Variants in SBF2 observed in about 807,000 individuals in gnomAD.
The protein encoded by SBF2 is myotubularin-related protein 13.
SBF2 carries 112 observed loss-of-function variants against 225.2 expected under a neutral mutation model. The ratio of observed to expected loss-of-function variants is 0.50; its 90% CI spans 0.43 to 0.58. The LOEUF (loss-of-function observed/expected upper bound fraction) is 0.58, where lower values mean the gene tolerates loss of function less well. Among genes scored for constraint, SBF2 ranks in the 20% least tolerant of loss-of-function variants. The probability of loss-of-function intolerance (pLI) is 0.00; values close to 1 mark genes in which losing one functional copy is unlikely to be tolerated. For missense variants in SBF2, 1,996 were observed against 2,206.2 expected, an observed-to-expected ratio of 0.90 and a Z score of 1.91; for synonymous variants, 763 against 773.3, an observed-to-expected ratio of 0.99 and a Z score of 0.22.
chr11:9,934,800 G>A (rs1029914268), intron 16 of SBF2, among the ~76,000 whole-genome samples: 3 of 152,058 alleles, frequency 2.0e-5, no homozygotes, highest in African/African-American at 7.2e-5. Flanking sequence ...TTGACGGAAC[G>A]TACCTCAAAA....
At chr11:10,046,266 C>A (rs1052639989) in intron 2 of SBF2, among the ~76,000 whole-genome samples, 5 of 152,100 alleles carry the variant, frequency 3.3e-5, no homozygotes, top group Non-Finnish European at 5.9e-5. Context: ...AAAGGGAATA[C>A]CTTCTTCATT....
At chr11:10,259,519 A>C (rs1484532082) in intron 1 of SBF2, among the ~76,000 whole-genome samples, 3 of 152,256 alleles carry the variant, frequency 2.0e-5, no homozygotes, top group Non-Finnish European at 4.4e-5. Context: ...TAAACATCTG[A>C]TAAATATTGC....
At chr11:10,081,801 C>G (rs1034036151) in intron 2 of SBF2, among the ~76,000 whole-genome samples, 2 of 149,454 alleles carry the variant, frequency 1.3e-5, no homozygotes, top group African/African-American at 4.9e-5. Context: ...ACATTAGCAA[C>G]CTGACATTGT....
chr11:9,808,713 C>T (rs1590131991), intron 31 of SBF2, 188 bp downstream of exon 31: 1 of 519,612 alleles, frequency 1.9e-6, no homozygotes, highest in Non-Finnish European at 3.5e-6. Flanking sequence ...AGCCAGAGCT[C>T]CAGGCTGCGT....
chr11:9,813,826 C>T (rs995120516), intron 29 of SBF2, among the ~76,000 whole-genome samples: 3 of 152,016 alleles, frequency 2.0e-5, no homozygotes, highest in African/African-American at 7.2e-5. Context: ...CCTGTAATCG[C>T]AGCTACTCGG....
In SBF2 at chr11:9,829,382, A is replaced by T. The variant is rs761033065; in HGVS notation, c.3767T>A (p.Val1256Asp). 1 of 1,614,204 alleles carries T rather than the reference A, an allele frequency of 6.2e-7. No homozygotes were observed. The highest frequency in any genetic ancestry group is 1.7e-5 in the Admixed American group (1 of 60,028). The change falls in exon 28 of 40, where the codon GTC becomes GAC. Residue 1256 changes from valine (V) to aspartate (D), a missense_variant. Coordinates refer to ENST00000256190, the MANE Select transcript of SBF2 (RefSeq NM_030962.4). The stretch of plus-strand genomic sequence containing the variant: ...TGGAGATAGAGCAAAGGCTGGCCTG[A>T]CAGTAAGAGTGCTGTTGCCTCTGAG... ...QKLRGNSTLT[V>D]RPAFALSPGV...
intron 2 of SBF2, among the ~76,000 whole-genome samples, chr11:10,181,352 A>G (rs1260505451): frequency 6.6e-6 from 1 of 152,076 alleles, no homozygotes; most frequent in Admixed American, 6.6e-5. Context: ...AATGAATTTT[A>G]GCATTTAAGA....
intron 32 of SBF2, among the ~76,000 whole-genome samples, chr11:9,803,608 G>GT (rs1853617086): frequency 6.6e-6 from 1 of 152,190 alleles, no homozygotes; most frequent in South Asian, 2.1e-4. Context: ...CTTACTGATT[G>GT]TGAGTGGATT....
In SBF2 at chr11:10,112,004, A is replaced by T. The variant is rs1451223421; in HGVS notation, c.142-69023T>A. Among the ~76,000 whole-genome samples the T allele has an allele frequency of 3.3e-5, 5 of 152,236 alleles. No homozygotes were observed. The South Asian group carries it at 1.0e-3, about 31-fold the overall frequency. On this transcript the variant is annotated intron_variant, in intron 2 of 39. Transcript: ENST00000256190. ...AGTTATAAGCTGTATTTAGACATCA[A>T]ATTTGAATGACATAAATTACTCTGA...
chr11:10,265,331 C>A (rs889063626), intron 1 of SBF2, among the ~76,000 whole-genome samples: 1 of 152,014 alleles, frequency 6.6e-6, no homozygotes, highest in African/African-American at 2.4e-5. Context: ...TCTCTAATGA[C>A]CAGTGATGAT....
chr11:10,203,230 G>T (rs1032266711), intron 1 of SBF2, among the ~76,000 whole-genome samples: 2 of 152,118 alleles, frequency 1.3e-5, no homozygotes. Context: ...CCTGCAGAAG[G>T]CTGAATGAAG....
chr11:10,032,594 C>T (rs1349417002), intron 3 of SBF2, among the ~76,000 whole-genome samples: 2 of 152,214 alleles, frequency 1.3e-5, no homozygotes, highest in African/African-American at 4.8e-5. Context: ...TTATTTAAAA[C>T]TGCAATGCCC....
intron 24 of SBF2, 128 bp downstream of exon 24, chr11:9,845,437 T>C (rs966820381): frequency 1.9e-5 from 17 of 891,410 alleles, no homozygotes; most frequent in Non-Finnish European, 2.6e-5. Context: ...CTTGGCCCCA[T>C]GGGCTTGACA....
intron 2 of SBF2, among the ~76,000 whole-genome samples, chr11:10,098,679 GCACACACACACACACACA>G (rs56244507): frequency 2.4e-4 from 32 of 130,902 alleles, no homozygotes; most frequent in Non-Finnish European, 4.3e-4. Flanking sequence ...GACAAAAAAT[GCACACACACACACACACA>G]CACACACACA....
intron 1 of SBF2, among the ~76,000 whole-genome samples, chr11:10,197,860 A>G (rs1016181484): frequency 6.6e-6 from 1 of 152,254 alleles, no homozygotes; most frequent in African/African-American, 2.4e-5. Flanking sequence ...TTGTTTATCC[A>G]TAAGAAGCAA....
intron 16 of SBF2, among the ~76,000 whole-genome samples, chr11:9,938,709 A>C (rs535444661): frequency 6.6e-6 from 1 of 152,306 alleles, no homozygotes; most frequent in Admixed American, 6.5e-5. Flanking sequence ...AAGAAAATAA[A>C]ACTGGATATT....
chr11:10,167,189 A>G (rs1336785628), intron 2 of SBF2, among the ~76,000 whole-genome samples: 1 of 152,244 alleles, frequency 6.6e-6, no homozygotes, highest in African/African-American at 2.4e-5. Flanking sequence ...AATAGGTCAC[A>G]CATTAAATAA....
chr11:10,060,081 A>G (rs1219381359), intron 2 of SBF2, among the ~76,000 whole-genome samples: 1 of 152,172 alleles, frequency 6.6e-6, no homozygotes, highest in Non-Finnish European at 1.5e-5. Flanking sequence ...CAGAGGATCA[A>G]TAATCCAGGA....
chr11:10,091,073 A>G (rs1480448909), intron 2 of SBF2, among the ~76,000 whole-genome samples: 1 of 152,184 alleles, frequency 6.6e-6, no homozygotes, highest in Non-Finnish European at 1.5e-5. Context: ...AATACCTACT[A>G]TACTCAAGAT....
Sources: gnomAD v4.1 joint callset for allele counts (sites outside exome capture counted in the v4.1 genomes callset) on GRCh38, gnomAD v4.1.1 for gene constraint, MANE v1.5 for transcripts, NCBI Gene and HGNC (gene_info 2026-07-23, HGNC 2026-07-21) for gene names.